The following RCAN2 variants were observed in gnomAD, a reference collection of about 807,000 sequenced individuals.
RCAN2 encodes the protein regulator of calcineurin 2, also known as calcipressin-2.
In RCAN2, 9 loss-of-function variants were observed where a neutral mutation model predicts 23.6. That is an observed-to-expected ratio of 0.38 (90% CI 0.23 to 0.67). RCAN2 has a LOEUF of 0.67. Among genes scored for constraint, RCAN2 ranks in the 30% least tolerant of loss-of-function variants. RCAN2 has a pLI of 0.51. For missense variants in RCAN2, 273 were observed against 302.3 expected (o/e 0.90, Z 0.72); for synonymous variants, 109 against 115.7 (o/e 0.94, Z 0.37).
At chr6:46,430,334 A>C (rs1218208523) in intron 2 of RCAN2, among the ~76,000 whole-genome samples, 2 of 152,116 alleles carry the variant, frequency 1.3e-5, no homozygotes, top group Non-Finnish European at 2.9e-5. Context: ...GAGTGGAAAA[A>C]CTGGATGTAG....
chr6:46,487,658 G>T (rs1005234012), intron 1 of RCAN2, among the ~76,000 whole-genome samples: 4 of 152,300 alleles, frequency 2.6e-5, no homozygotes, highest in African/African-American at 9.6e-5. Context: ...CTAAAGAAAA[G>T]AAACTGGTAA....
At chr6:46,304,306 T>C (rs1237865743) in intron 2 of RCAN2, among the ~76,000 whole-genome samples, 143 of 152,192 alleles carry the variant, frequency 9.4e-4, no homozygotes, top group Non-Finnish European at 8.8e-5. Context: ...GATTTCTTTA[T>C]ATATTCTGGA....
chr6:46,427,903 T>C (rs1317627846), intron 2 of RCAN2, among the ~76,000 whole-genome samples: 1 of 152,248 alleles, frequency 6.6e-6, no homozygotes, highest in East Asian at 1.9e-4. Flanking sequence ...AGCTACAGGA[T>C]GAATCTGTTA....
At chr6:46,333,676 C>T (rs1764055778) in intron 2 of RCAN2, among the ~76,000 whole-genome samples, 1 of 152,204 alleles carries the variant, frequency 6.6e-6, no homozygotes, top group Non-Finnish European at 1.5e-5. Flanking sequence ...TTTCAGAATG[C>T]ATTGGACATT....
intron 2 of RCAN2, among the ~76,000 whole-genome samples, chr6:46,351,753 C>T (rs144022242): frequency 7.2e-5 from 11 of 152,314 alleles, no homozygotes; most frequent in African/African-American, 2.4e-4. Flanking sequence ...GTCCAGGAAG[C>T]TGATGGCACA....
At chr6:46,347,810 G>A (rs1162954732) in intron 2 of RCAN2, among the ~76,000 whole-genome samples, 4 of 152,180 alleles carry the variant, frequency 2.6e-5, no homozygotes, top group Non-Finnish European at 5.9e-5. Flanking sequence ...GTTTCACCCA[G>A]GGGAAAGTTC....
chr6:46,269,661 A>C (rs1213797293), intron 2 of RCAN2, among the ~76,000 whole-genome samples: 1 of 152,172 alleles, frequency 6.6e-6, no homozygotes, highest in East Asian at 1.9e-4. Context: ...GTGCAGATAC[A>C]GGCCTTTCTT....
chr6:46,377,906 A>G (rs1349803506), intron 2 of RCAN2, among the ~76,000 whole-genome samples: 1 of 152,184 alleles, frequency 6.6e-6, no homozygotes, highest in Non-Finnish European at 1.5e-5. Flanking sequence ...TTTCTACATA[A>G]TAGATACAAT....
At chr6:46,419,616 G>C (rs1040759041) in intron 2 of RCAN2, among the ~76,000 whole-genome samples, 2 of 152,196 alleles carry the variant, frequency 1.3e-5, no homozygotes, top group Admixed American at 1.3e-4. Context: ...TCTCAATTTA[G>C]TATTACTTCT....
chr6:46,242,801 C>T (rs1000559740), intron 4 of RCAN2, among the ~76,000 whole-genome samples: 1 of 152,150 alleles, frequency 6.6e-6, no homozygotes. Context: ...CTGGCTAAAG[C>T]TATAAGAAAG....
At chr6:46,361,753 GTTGT>G (rs1388697737) in intron 2 of RCAN2, among the ~76,000 whole-genome samples, 6 of 152,160 alleles carry the variant, frequency 3.9e-5, no homozygotes, top group African/African-American at 1.4e-4. Flanking sequence ...GGTAGGAGAG[GTTGT>G]TTGCTATTAT....
In RCAN2 at chr6:46,282,553, A is replaced by G. The variant is rs1477023695; in HGVS notation, c.226-33657T>C. Among the ~76,000 whole-genome samples, 4 of 152,290 alleles carry G rather than the reference A, an allele frequency of 2.6e-5. No homozygotes were observed. The East Asian group carries it at 5.8e-4, about 22-fold the overall frequency. The stretch of plus-strand genomic sequence containing the variant: ...AAAATGATGCTGTCTTAATCCTTAA[A>G]TTTCTCTGAAAAGATGACCCTCTAT... On this transcript the variant is annotated intron_variant, in intron 2 of 4. Coordinates refer to ENST00000371374, the MANE Select transcript of RCAN2 (RefSeq NM_001251974.2).
chr6:46,373,457 A>G (rs1021172935), intron 2 of RCAN2, among the ~76,000 whole-genome samples: 1 of 152,044 alleles, frequency 6.6e-6, no homozygotes, highest in African/African-American at 2.4e-5. Flanking sequence ...GGGTTTCACT[A>G]TGTTGGCCAG....
chr6:46,463,802 G>A (rs947453559), intron 1 of RCAN2, among the ~76,000 whole-genome samples: 6 of 152,060 alleles, frequency 3.9e-5, no homozygotes, highest in African/African-American at 1.4e-4. Context: ...TCCATAAAAA[G>A]ATAAAAATAA....
chr6:46,361,254 A>T (rs1470053631), intron 2 of RCAN2, among the ~76,000 whole-genome samples: 1 of 152,190 alleles, frequency 6.6e-6, no homozygotes, highest in Non-Finnish European at 1.5e-5. Context: ...TAATGAGACC[A>T]GAAATCAAAG....
intron 2 of RCAN2, among the ~76,000 whole-genome samples, chr6:46,356,816 G>A (rs1393509812): frequency 6.6e-6 from 1 of 152,190 alleles, no homozygotes; most frequent in Non-Finnish European, 1.5e-5. Context: ...TGCTTCTTCA[G>A]ATCAGTCAAC....
At chr6:46,469,281 G>C (rs576992438) in intron 1 of RCAN2, among the ~76,000 whole-genome samples, 2 of 152,144 alleles carry the variant, frequency 1.3e-5, no homozygotes, top group African/African-American at 4.8e-5. Context: ...CCCACTTCTA[G>C]TGCCATGTGT....
At chr6:46,470,059 T>A (rs1173458050) in intron 1 of RCAN2, among the ~76,000 whole-genome samples, 1 of 152,232 alleles carries the variant, frequency 6.6e-6, no homozygotes. Flanking sequence ...TAATTTCTCT[T>A]CTTTTTAAAT....
At chr6:46,431,446 C>G (rs138263769) in intron 2 of RCAN2, among the ~76,000 whole-genome samples, 14 of 152,246 alleles carry the variant, frequency 9.2e-5, no homozygotes, top group Admixed American at 6.5e-4. Context: ...AACACATAGT[C>G]CTCAATAAAT....
Sources: gnomAD v4.1 joint callset for allele counts (sites outside exome capture counted in the v4.1 genomes callset) on GRCh38, gnomAD v4.1.1 for gene constraint, MANE v1.5 for transcripts, NCBI Gene and HGNC (gene_info 2026-07-23, HGNC 2026-07-21) for gene names.